SLC7A2: variants seen among roughly 807,000 people sequenced by gnomAD.
The protein encoded by SLC7A2 is solute carrier family 7 member 2.
SLC7A2 carries 48 observed loss-of-function variants against 58.9 expected under a neutral mutation model. The observed-to-expected ratio is 0.82, with a 90% CI of 0.65 to 1.04. The LOEUF (loss-of-function observed/expected upper bound fraction) is 1.04, where lower values mean the gene tolerates loss of function less well. Among genes scored for constraint, SLC7A2 ranks in the 50% least tolerant of loss-of-function variants. SLC7A2 has a pLI of 0.00. For missense variants in SLC7A2, 1,029 were observed against 818.8 expected, an observed-to-expected ratio of 1.26 and a Z score of -3.13; for synonymous variants, 363 against 314.5, an observed-to-expected ratio of 1.15 and a Z score of -1.63.
chr8:17,522,011 G>C (rs1036454535), intron 2 of SLC7A2, among the ~76,000 whole-genome samples: 2 of 152,192 alleles, frequency 1.3e-5, no homozygotes, highest in African/African-American at 2.4e-5. Context: ...CCTGGCAACA[G>C]AGCCTCCTAG....
chr8:17,526,487 C>T (rs1414438824), intron 2 of SLC7A2, among the ~76,000 whole-genome samples: 1 of 151,246 alleles, frequency 6.6e-6, no homozygotes. Context: ...TGAGAGAGAA[C>T]CTCACTGTTA....
At position 17,501,611 on chromosome 8, in the gene SLC7A2, G is replaced by A. The variant is rs539664139; in HGVS notation, c.-68-646G>A. ...AAAATCTTGAAATTTCTTGATACGG[G>A]ACTTTATACACCCAAGACTGAATCA... On this transcript the variant is annotated intron_variant, in intron 1 of 12. Coordinates refer to ENST00000494857, the MANE Select transcript of SLC7A2 (RefSeq NM_001370338.1). Among the ~76,000 whole-genome samples, 18 of 152,134 alleles carry A rather than the reference G, an allele frequency of 1.2e-4. 1 individual carries two copies. The South Asian group carries it at 3.7e-3, about 32-fold the overall frequency.
At chr8:17,550,068 C>T (rs1563472119) in intron 5 of SLC7A2, among the ~76,000 whole-genome samples, 1 of 152,174 alleles carries the variant, frequency 6.6e-6, no homozygotes, top group South Asian at 2.1e-4. Flanking sequence ...GGGGCTTCTA[C>T]ATGTGCTATC....
chr8:17,516,221 A>G (rs963347747), intron 2 of SLC7A2, among the ~76,000 whole-genome samples: 2 of 98,240 alleles, frequency 2.0e-5, no homozygotes, highest in Non-Finnish European at 4.4e-5. Flanking sequence ...TATTTAATTA[A>G]TTAATTAATT....
At chr8:17,548,963 GA>G in intron 5 of SLC7A2, 120 bp downstream of exon 5, 1 of 850,236 alleles carries the variant, frequency 1.2e-6, no homozygotes, top group Non-Finnish European at 1.8e-6. Context: ...AATTTATAAG[GA>G]AAAAGAGATT....
intron 2 of SLC7A2, among the ~76,000 whole-genome samples, chr8:17,532,388 A>G (rs1195855537): frequency 6.6e-6 from 1 of 152,100 alleles, no homozygotes. Flanking sequence ...TGTGTGTGCC[A>G]GTAGTACCCT....
At chr8:17,529,339 G>A (rs1399783075) in intron 2 of SLC7A2, among the ~76,000 whole-genome samples, 2 of 147,900 alleles carry the variant, frequency 1.4e-5, no homozygotes, top group Non-Finnish European at 3.0e-5. Context: ...TCATTTCTAG[G>A]GCTCAATTGC....
chr8:17,561,731 A>G (rs1323949322), intron 10 of SLC7A2, among the ~76,000 whole-genome samples: 2 of 152,186 alleles, frequency 1.3e-5, no homozygotes, highest in Non-Finnish European at 2.9e-5. Context: ...AGGAGGGGAG[A>G]GTAATGAGTA....
Position 17,551,857 on chromosome 8 carries a change from C to T in SLC7A2, c.926C>T (p.Ala309Val), listed in dbSNP as rs772174587. 4 of 1,613,770 alleles carry T rather than the reference C, an allele frequency of 2.5e-6. No homozygotes were observed. The highest frequency in any genetic ancestry group is 3.4e-6 in the Non-Finnish European group (4 of 1,179,956). The part of the protein sequence containing the change: ...CFMAYFGVSA[A>V]LTLMMPYYLL... ...ATGGCCTATTTTGGGGTCTCTGCAG[C>T]TTTAACACTTATGATGCCGTACTAC... Residue 309 changes from alanine to valine, a missense_variant, in exon 7 of 13, where the codon GCT becomes GTT. Transcript: ENST00000494857.
At chr8:17,502,121 A>G (rs1800184950) in intron 1 of SLC7A2, 136 bp from the exon 2 acceptor site, 1 of 151,522 alleles carries the variant, frequency 6.6e-6, no homozygotes, top group South Asian at 2.1e-4. Flanking sequence ...ATATACGTAT[A>G]TATATGTATG....
chr8:17,514,700 G>A (rs2106031), intron 2 of SLC7A2, among the ~76,000 whole-genome samples: 76,831 of 151,986 alleles, frequency 0.51, 21,270 homozygotes, highest in Non-Finnish European at 0.62. Flanking sequence ...TTCAGCCAAA[G>A]ATGATGTCTT....
chr8:17,564,766 T>C (rs931719550), intron 12 of SLC7A2, among the ~76,000 whole-genome samples, 184 bp from the exon 13 acceptor site: 5 of 152,148 alleles, frequency 3.3e-5, no homozygotes, highest in African/African-American at 1.2e-4. Context: ...GCTCACTTCC[T>C]GTTGTGTGGC....
At chr8:17,503,675 A>G (rs1800258007) in intron 2 of SLC7A2, among the ~76,000 whole-genome samples, 1 of 152,224 alleles carries the variant, frequency 6.6e-6, no homozygotes, top group Admixed American at 6.5e-5. Context: ...AAAAATTCAA[A>G]TGGAAACTCT....
chr8:17,551,811 A>T lies in SLC7A2; in HGVS notation c.880A>T (p.Thr294Ser). ...GAAAGCTATTCCCATTGGAATTGTG[A>T]CGTCTTTGCTTGTTTGCTTTATGGC... The part of the protein sequence containing the change: ...PQKAIPIGIV[T>S]SLLVCFMAYF... The change falls in exon 7 of 13, where the codon ACG (threonine) becomes TCG (serine). Residue 294 changes from threonine (T) to serine (S), a missense_variant. Transcript: ENST00000494857. 1 of 1,613,896 alleles carries T rather than the reference A, an allele frequency of 6.2e-7. No individual in the cohort carries two copies. The highest frequency in any genetic ancestry group is 2.2e-5 in the East Asian group (1 of 44,838).
chr8:17,526,310 G>A (rs1801221091), intron 2 of SLC7A2, among the ~76,000 whole-genome samples: 1 of 152,152 alleles, frequency 6.6e-6, no homozygotes, highest in South Asian at 2.1e-4. Flanking sequence ...TTGGAAGCTT[G>A]TAAAATAGGA....
intron 2 of SLC7A2, among the ~76,000 whole-genome samples, chr8:17,516,057 A>T (rs1484228061): frequency 2.0e-5 from 3 of 152,166 alleles, no homozygotes; most frequent in African/African-American, 7.2e-5. Context: ...AAAGAAAGTT[A>T]TCATCTCTTT....
Position 17,569,379 on chromosome 8 carries a change from C to A in SLC7A2, c.*4233C>A, listed in dbSNP as rs542815065. ...TGCTAGTGCCAAAACAGTGCCTTCT[C>A]TGCACACTTTACTTGTTTATAAAGT... On this transcript the variant is annotated 3_prime_UTR_variant, in exon 13 of 13. Transcript: ENST00000494857. The A allele has an allele frequency of 6.6e-6, 1 of 152,308 alleles. No individual in the cohort carries two copies. Among genetic ancestry groups the A allele is most frequent in the Admixed American group, 6.5e-5 (1 of 15,304 alleles). 9.4% of individuals were successfully genotyped at this position (152,308 alleles called of 1,614,324 possible).
chr8:17,503,358 C>A (rs1438651881), intron 2 of SLC7A2, among the ~76,000 whole-genome samples: 1 of 152,062 alleles, frequency 6.6e-6, no homozygotes, highest in African/African-American at 2.4e-5. Flanking sequence ...CTGAAAACAT[C>A]TTTATTGAAA....
At chr8:17,530,876 A>T (rs919129697) in intron 2 of SLC7A2, among the ~76,000 whole-genome samples, 1 of 152,122 alleles carries the variant, frequency 6.6e-6, no homozygotes, top group Non-Finnish European at 1.5e-5. Flanking sequence ...CCAGCCAGTA[A>T]GTAGATTCAA....
Sources: allele counts gnomAD v4.1 joint callset (sites outside exome capture counted in the v4.1 genomes callset), GRCh38; gene constraint gnomAD v4.1.1; transcripts MANE v1.5; gene names NCBI Gene and HGNC (gene_info 2026-07-23, HGNC 2026-07-21).